Variants in MACROD2 observed in about 807,000 individuals in gnomAD.
MACROD2 encodes the protein ADP-ribose glycohydrolase MACROD2.
Under a neutral mutation model 70.4 loss-of-function variants are expected in MACROD2, and 36 were observed. The ratio of observed to expected loss-of-function variants is 0.51; its 90% CI spans 0.39 to 0.68. MACROD2 has a LOEUF of 0.68. Among genes scored for constraint, MACROD2 ranks in the 30% least tolerant of loss-of-function variants. The pLI is 0.00. For synonymous variants in MACROD2, 172 were observed against 178.8 expected, an observed-to-expected ratio of 0.96 and a Z score of 0.30; for missense variants, 496 against 538.4, an observed-to-expected ratio of 0.92 and a Z score of 0.78.
At chr20:15,252,641 C>T (rs1194407348) in intron 6 of MACROD2, among the ~76,000 whole-genome samples, 4 of 152,200 alleles carry the variant, frequency 2.6e-5, no homozygotes, top group Non-Finnish European at 5.9e-5. Context: ...GTATCAAATA[C>T]TTGTGATTAG....
intron 4 of MACROD2, among the ~76,000 whole-genome samples, chr20:14,507,972 G>A (rs943138650): frequency 6.6e-6 from 1 of 152,184 alleles, no homozygotes; most frequent in Non-Finnish European, 1.5e-5. Context: ...ACAGCCTCCT[G>A]AGATAAGGGA....
intron 5 of MACROD2, among the ~76,000 whole-genome samples, chr20:14,755,867 A>G (rs1473297553): frequency 6.6e-6 from 1 of 152,048 alleles, no homozygotes; most frequent in Non-Finnish European, 1.5e-5. Context: ...TCTGAACATA[A>G]CATTTGTTAT....
chr20:14,360,089 C>T (rs1398147533), intron 3 of MACROD2, among the ~76,000 whole-genome samples: 5 of 114,108 alleles, frequency 4.4e-5, no homozygotes, highest in African/African-American at 1.0e-4. Flanking sequence ...TTGTGGTTAC[C>T]GGTGGCTTGC....
intron 5 of MACROD2, among the ~76,000 whole-genome samples, chr20:14,963,891 CTAAAG>C (rs2074606819): frequency 6.6e-6 from 1 of 152,068 alleles, no homozygotes; most frequent in African/African-American, 2.4e-5. Flanking sequence ...ATGTTGACTT[CTAAAG>C]TAGAGAGGGA....
intron 4 of MACROD2, among the ~76,000 whole-genome samples, chr20:14,650,940 G>A (rs1470952533): frequency 1.3e-5 from 2 of 152,146 alleles, no homozygotes; most frequent in Admixed American, 1.3e-4. Context: ...TCCAGAATGA[G>A]AGTTGAAAAT....
At chr20:16,002,059 C>T (rs1601304366) in intron 15 of MACROD2, among the ~76,000 whole-genome samples, 1 of 150,512 alleles carries the variant, frequency 6.6e-6, no homozygotes, top group African/African-American at 2.5e-5. Flanking sequence ...TATATATATA[C>T]ATGTGTGTAT....
intron 3 of MACROD2, among the ~76,000 whole-genome samples, chr20:14,280,615 C>T (rs2082299135): frequency 6.6e-6 from 1 of 152,104 alleles, no homozygotes. Flanking sequence ...GCACATTTAG[C>T]CCATTTAGGT....
intron 3 of MACROD2, among the ~76,000 whole-genome samples, chr20:14,350,415 AAGAC>A (rs956013311): frequency 7.9e-5 from 12 of 151,996 alleles, no homozygotes; most frequent in African/African-American, 2.4e-4. Flanking sequence ...TTTTGGATAA[AAGAC>A]AGGCAATAAC....
intron 4 of MACROD2, among the ~76,000 whole-genome samples, chr20:14,664,749 A>G (rs1013102081): frequency 4.6e-5 from 7 of 152,144 alleles, no homozygotes; most frequent in African/African-American, 1.7e-4. Flanking sequence ...TAAGTGCCTT[A>G]CATTCTTGAT....
intron 3 of MACROD2, among the ~76,000 whole-genome samples, chr20:14,370,356 T>G (rs1477030074): frequency 1.3e-5 from 2 of 152,200 alleles, no homozygotes; most frequent in Non-Finnish European, 2.9e-5. Flanking sequence ...AACTTCAGTC[T>G]GAATTGTCCA....
intron 5 of MACROD2, among the ~76,000 whole-genome samples, chr20:14,781,721 G>A (rs1038337909): frequency 2.0e-5 from 3 of 151,670 alleles, no homozygotes; most frequent in African/African-American, 7.3e-5. Context: ...GCATAGAAGT[G>A]TACAAATGAG....
intron 4 of MACROD2, among the ~76,000 whole-genome samples, chr20:14,649,625 G>A (rs1231362313): frequency 2.0e-5 from 3 of 152,188 alleles, no homozygotes; most frequent in Non-Finnish European, 4.4e-5. Flanking sequence ...TGGTTTTGGA[G>A]CTTGGTCATG....
intron 8 of MACROD2, among the ~76,000 whole-genome samples, chr20:15,702,741 A>G (rs1297157849): frequency 6.6e-6 from 1 of 152,194 alleles, no homozygotes; most frequent in Non-Finnish European, 1.5e-5. Flanking sequence ...TTCTTTGCCA[A>G]GGAAAATCAA....
chr20:14,029,384 C>T (rs1042369784), intron 2 of MACROD2, among the ~76,000 whole-genome samples: 1 of 152,210 alleles, frequency 6.6e-6, no homozygotes, highest in African/African-American at 2.4e-5. Context: ...ATATTTGAGG[C>T]TTTCCTCCTT....
chr20:14,865,900 A>T (rs1600744065), intron 5 of MACROD2, among the ~76,000 whole-genome samples: 1 of 152,242 alleles, frequency 6.6e-6, no homozygotes, highest in Non-Finnish European at 1.5e-5. Flanking sequence ...TCTCAAAAAG[A>T]TGTGCTTGCA....
intron 8 of MACROD2, among the ~76,000 whole-genome samples, chr20:15,704,563 A>C (rs1157773019): frequency 6.6e-6 from 1 of 152,208 alleles, no homozygotes; most frequent in South Asian, 2.1e-4. Flanking sequence ...TATTTATATG[A>C]ATCATGTAGG....
intron 8 of MACROD2, among the ~76,000 whole-genome samples, chr20:15,832,316 A>G (rs961133558): frequency 6.6e-6 from 1 of 152,158 alleles, no homozygotes; most frequent in Non-Finnish European, 1.5e-5. Context: ...ATACTGTGAT[A>G]TGCTGCCCAG....
Position 14,326,605 on chromosome 20 carries a change from A to G in MACROD2, c.272-166874A>G. ...GCAATACCAGGGATTGTTGCGAAGA[A>G]TCAGTTGTGTTATATTGTCCAAATC... On this transcript the variant is annotated intron_variant, in intron 3 of 17. Coordinates refer to ENST00000684519, the MANE Select transcript of MACROD2 (RefSeq NM_001351661.2). The surrounding 1 kb of genome is among the most constrained non-coding windows in gnomAD (Gnocchi z 5.5). The G allele has an allele frequency of 1.2e-6, 2 of 1,613,882 alleles. No homozygotes were observed. Among genetic ancestry groups the G allele is most frequent in the Non-Finnish European group, 1.7e-6 (2 of 1,179,856 alleles).
chr20:14,904,246 A>T (rs1289277046), intron 5 of MACROD2, among the ~76,000 whole-genome samples: 6 of 152,176 alleles, frequency 3.9e-5, no homozygotes, highest in Non-Finnish European at 5.9e-5. Flanking sequence ...TAAGGCATAG[A>T]TTTATTCTAA....
Sources: gnomAD v4.1 joint callset for allele counts (sites outside exome capture counted in the v4.1 genomes callset) on GRCh38, gnomAD v4.1.1 for gene constraint, Gnocchi (gnomAD v3.1) non-coding constraint, MANE v1.5 for transcripts, NCBI Gene and HGNC (gene_info 2026-07-23, HGNC 2026-07-21) for gene names.